IFT57: variants seen among roughly 807,000 people sequenced by gnomAD.
The protein encoded by IFT57 is intraflagellar transport protein 57 homolog.
IFT57 carries 59 observed loss-of-function variants against 56.8 expected under a neutral mutation model. The observed-to-expected ratio is 1.04, with a 90% CI of 0.84 to 1.29. IFT57 has a LOEUF of 1.29. Ranked by LOEUF, IFT57 falls within the 50% of genes most tolerant of loss-of-function variation. The pLI is 0.00. For synonymous variants in IFT57, 209 were observed against 186.1 expected (o/e 1.12, Z -1.00); for missense variants, 470 against 522.1 (o/e 0.90, Z 0.97).
chr3:108,171,522 A>G (rs572232031), intron 6 of IFT57, among the ~76,000 whole-genome samples: 1 of 151,994 alleles, frequency 6.6e-6, no homozygotes, highest in East Asian at 1.9e-4. Flanking sequence ...GAGATCATCT[A>G]TCCATCTACT....
At chr3:108,182,499 C>G (rs2080156784) in intron 6 of IFT57, among the ~76,000 whole-genome samples, 1 of 152,092 alleles carries the variant, frequency 6.6e-6, no homozygotes, top group South Asian at 2.1e-4. Context: ...GGGTTCAAGA[C>G]TATTGCAATG....
intron 6 of IFT57, among the ~76,000 whole-genome samples, chr3:108,171,099 T>G (rs954556485): frequency 3.3e-5 from 5 of 151,928 alleles, no homozygotes; most frequent in African/African-American, 1.2e-4. Context: ...TTGTGAATAG[T>G]CCCATTCTAC....
At chr3:108,163,798 TA>T (rs1367962096) in intron 9 of IFT57, 69 bp from the exon 10 acceptor site, 57 of 859,818 alleles carry the variant, frequency 6.6e-5, no homozygotes, top group Admixed American at 4.6e-4. Context: ...AATTATGTGT[TA>T]AGAAAATGTA....
At chr3:108,172,144 A>ATTTTCAATAGC (rs1360742228) in intron 6 of IFT57, among the ~76,000 whole-genome samples, 1 of 151,850 alleles carries the variant, frequency 6.6e-6, no homozygotes, top group Non-Finnish European at 1.5e-5. Context: ...ACTGATGTAA[A>ATTTTCAATAGC]ACTCCATGGA....
chr3:108,191,706 C>T (rs2080216195), intron 5 of IFT57, 63 bp from the exon 6 acceptor site: 1 of 1,302,990 alleles, frequency 7.7e-7, no homozygotes, highest in South Asian at 1.4e-5. Context: ...AAATTTGAGG[C>T]ATTTTAGCAG....
intron 6 of IFT57, among the ~76,000 whole-genome samples, chr3:108,175,779 C>T (rs1182757137): frequency 1.3e-5 from 2 of 149,866 alleles, no homozygotes; most frequent in East Asian, 2.0e-4. Context: ...TAGTTTACAA[C>T]TTGTAAAATA....
At chr3:108,195,062 A>T (rs143501340) in intron 5 of IFT57, among the ~76,000 whole-genome samples, 1 of 152,178 alleles carries the variant, frequency 6.6e-6, no homozygotes, top group Non-Finnish European at 1.5e-5. Flanking sequence ...ATATTTGCAA[A>T]CTACCCATCT....
chr3:108,214,090 A>C, intron 3 of IFT57, 69 bp from the exon 4 acceptor site: 2 of 877,976 alleles, frequency 2.3e-6, no homozygotes, highest in Non-Finnish European at 3.7e-6. Context: ...TCATAATGCA[A>C]ATATCATGTC....
chr3:108,176,212 C>A (rs188505045), intron 6 of IFT57, among the ~76,000 whole-genome samples: 21 of 151,946 alleles, frequency 1.4e-4, no homozygotes, highest in Admixed American at 1.2e-3. Context: ...TACAAGGGCG[C>A]TTACGGCTCC....
chr3:108,164,176 T>A (rs1489541911), intron 9 of IFT57, among the ~76,000 whole-genome samples: 1 of 152,048 alleles, frequency 6.6e-6, no homozygotes, highest in African/African-American at 2.4e-5. Context: ...TGTCACTTTT[T>A]CCTCTATAGG....
chr3:108,163,743 A>T lies in IFT57; in HGVS notation c.1045-14T>A. 3 of 1,524,538 alleles carry T rather than the reference A, an allele frequency of 2.0e-6. No homozygotes were observed. Among genetic ancestry groups the T allele is most frequent in the Non-Finnish European group, 2.7e-6 (3 of 1,100,482 alleles). 94.4% of individuals were successfully genotyped at this position (1,524,538 alleles called of 1,614,324 possible). Reference sequence around the variant, plus strand: ...TTCTTCCATAACCTTTCATGAAAACAAGTTTTCATGAGCATTACATTTTAA... The same window carrying T: ...TTCTTCCATAACCTTTCATGAAAACTAGTTTTCATGAGCATTACATTTTAA... On this transcript the variant is annotated splice_polypyrimidine_tract_variant and intron_variant, in intron 9 of 10. Transcript: ENST00000264538.
At chr3:108,186,321 CAAAAA>C (rs3053401) in intron 6 of IFT57, among the ~76,000 whole-genome samples, 1 of 140,086 alleles carries the variant, frequency 7.1e-6, no homozygotes, top group African/African-American at 2.7e-5. Context: ...GTGGCTATGC[CAAAAA>C]AAAAAAAAAA....
chr3:108,196,687 G>A (rs1047958972), intron 5 of IFT57, among the ~76,000 whole-genome samples: 3 of 152,034 alleles, frequency 2.0e-5, no homozygotes, highest in South Asian at 2.1e-4. Context: ...TCACTCACTC[G>A]TAGGCCATAA....
chr3:108,206,056 ATT>A (rs1491427425), intron 5 of IFT57, among the ~76,000 whole-genome samples: 10,430 of 124,828 alleles, frequency 0.084, 487 homozygotes, highest in Non-Finnish European at 0.1. Flanking sequence ...ATTATATATT[ATT>A]TATATATAAT....
rs2080180873 is a variant in IFT57, at chr3:108,186,154, A to G, written c.777+5367T>C. On this transcript the variant is annotated intron_variant, in intron 6 of 10. Coordinates refer to ENST00000264538, the MANE Select transcript of IFT57 (RefSeq NM_018010.4). ...AGAGAGAACATCATAAAAGTCTGGA[A>G]GGATTATATCAATGAAGATACCATT... Among the ~76,000 whole-genome samples, 3 of 152,160 alleles carry G rather than the reference A, an allele frequency of 2.0e-5. No individual in the cohort carries two copies. The South Asian group carries it at 6.2e-4, about 32-fold the overall frequency.
At chr3:108,218,304 T>G in intron 3 of IFT57, 1 of 288,586 alleles carries the variant, frequency 3.5e-6, no homozygotes, top group Non-Finnish European at 6.4e-6. Context: ...TAATTACATA[T>G]TTGAACAGGA....
intron 4 of IFT57, among the ~76,000 whole-genome samples, chr3:108,207,553 T>C (rs1284030052): frequency 1.3e-5 from 2 of 152,160 alleles, no homozygotes; most frequent in Admixed American, 1.3e-4. Flanking sequence ...AAAAAGAGAA[T>C]GTCAGTTGGT....
At chr3:108,214,963 C>A (rs1464283751) in intron 3 of IFT57, among the ~76,000 whole-genome samples, 1 of 152,080 alleles carries the variant, frequency 6.6e-6, no homozygotes, top group Non-Finnish European at 1.5e-5. Context: ...TTCTGTCATA[C>A]CACAACCTCT....
chr3:108,171,941 T>A (rs1577047947), intron 6 of IFT57, among the ~76,000 whole-genome samples: 1 of 139,408 alleles, frequency 7.2e-6, no homozygotes, highest in East Asian at 2.0e-4. Flanking sequence ...ATATATGTAT[T>A]TAGAAAAATG....
Sources: gnomAD v4.1 joint callset for allele counts (sites outside exome capture counted in the v4.1 genomes callset) on GRCh38, gnomAD v4.1.1 for gene constraint, MANE v1.5 for transcripts, NCBI Gene and HGNC (gene_info 2026-07-23, HGNC 2026-07-21) for gene names.